FAM222B: variants seen among roughly 807,000 people sequenced by gnomAD.
The protein encoded by FAM222B is family with sequence similarity 222 member B.
FAM222B carries 12 observed loss-of-function variants against 38.0 expected under a neutral mutation model. The observed-to-expected ratio is 0.32, with a 90% CI of 0.20 to 0.51. The LOEUF (loss-of-function observed/expected upper bound fraction) is 0.51, where lower values mean the gene tolerates loss of function less well. FAM222B is among the 20% of genes least tolerant of loss of function. FAM222B has a pLI of 0.97. For missense variants in FAM222B, 716 were observed against 754.2 expected, an observed-to-expected ratio of 0.95 and a Z score of 0.59; for synonymous variants, 329 against 317.2, an observed-to-expected ratio of 1.04 and a Z score of -0.40.
chr17:28,822,890 C>T (rs2152588175), intron 1 of FAM222B, among the ~76,000 whole-genome samples: 1 of 116,794 alleles, frequency 8.6e-6, no homozygotes, highest in East Asian at 2.6e-4. Flanking sequence ...TATACACACA[C>T]ACATATATGA....
intron 1 of FAM222B, among the ~76,000 whole-genome samples, chr17:28,819,961 C>G (rs1280600216): frequency 6.6e-6 from 1 of 152,116 alleles, no homozygotes; most frequent in Non-Finnish European, 1.5e-5. Context: ...GAAACCTAAG[C>G]CTTTCACTTG....
Position 28,758,157 on chromosome 17 carries a change from TC to T in FAM222B, c.*112del. 1.0e-6 allele frequency: 1 copy of T among 959,494 alleles called. No individual in the cohort carries two copies. The highest frequency in any genetic ancestry group is 1.8e-5 in the South Asian group (1 of 56,712). 59.4% of individuals were successfully genotyped at this position (959,494 alleles called of 1,614,324 possible). ...CCCACCAAATTCCCTTTCTTAGACATCTAAGAATGATCACACTGGAGCAGTG... is the reference window on the plus strand; with the variant it reads ...CCCACCAAATTCCCTTTCTTAGACATTAAGAATGATCACACTGGAGCAGTG... On this transcript the variant is annotated 3_prime_UTR_variant, in exon 3 of 3. Transcript: ENST00000581407.
upstream of FAM222B, among the ~76,000 whole-genome samples, chr17:28,843,592 C>T (rs753881307): frequency 4.6e-5 from 7 of 151,594 alleles, no homozygotes; most frequent in Admixed American, 2.6e-4. Flanking sequence ...GGATTACAGG[C>T]TTGCACCACC....
intron 1 of FAM222B, among the ~76,000 whole-genome samples, chr17:28,826,681 CAA>C (rs58793747): frequency 0.27 from 22,529 of 84,544 alleles, 1,722 homozygotes; most frequent in South Asian, 0.38. Flanking sequence ...AACTCCGTCT[CAA>C]AAAAAAAAAA....
At chr17:28,835,759 TCTCTTGTACTCAAGTGATCCTCCCAC>T (rs2038825374) in intron 1 of FAM222B, among the ~76,000 whole-genome samples, 2 of 152,010 alleles carry the variant, frequency 1.3e-5, no homozygotes, top group African/African-American at 4.8e-5. Context: ...ACATCCTTCA[TCTCTTGTACTCAAGTGATCCTCCCAC>T]CTCAGCCTCC....
chr17:28,844,547 A>G (rs1331542805), upstream of FAM222B, among the ~76,000 whole-genome samples: 2 of 152,150 alleles, frequency 1.3e-5, no homozygotes, highest in Admixed American at 1.3e-4. Flanking sequence ...AGTCCCAGCT[A>G]CTCAGGAGGC....
At chr17:28,771,442 G>A (rs1163438226) in intron 1 of FAM222B, among the ~76,000 whole-genome samples, 5 of 152,194 alleles carry the variant, frequency 3.3e-5, no homozygotes, top group African/African-American at 1.2e-4. Context: ...AGCACTTTGG[G>A]AGGCCGAGGC....
intron 2 of FAM222B, among the ~76,000 whole-genome samples, chr17:28,764,294 A>G (rs903159566): frequency 7.0e-6 from 1 of 142,084 alleles, no homozygotes; most frequent in Non-Finnish European, 1.5e-5. Flanking sequence ...AAAAAAAAAA[A>G]GGGCCGGGCA....
rs927373134 is a variant in FAM222B, at chr17:28,786,792, C to T, written c.-40-20085G>A. ...CTTAGAACTAGTTCTCTGTGCACAA[C>T]GCCTTGCCATACATTGCTAGTGAAG... On this transcript the variant is annotated intron_variant, in intron 1 of 2. Transcript: ENST00000581407. Among the ~76,000 whole-genome samples the T allele has an allele frequency of 3.3e-5, 5 of 151,928 alleles. No individual in the cohort carries two copies. In the East Asian group the frequency reaches 5.8e-4, roughly 18 times the overall value.
Position 28,781,845 on chromosome 17 carries a change from G to C in FAM222B, c.-40-15138C>G, listed in dbSNP as rs1386281107. On this transcript the variant is annotated intron_variant, in intron 1 of 2. Coordinates refer to ENST00000581407, the MANE Select transcript of FAM222B (RefSeq NM_001077498.3). ...TCTAAAAAAGTCAAACTCAGAAGCA[G>C]AGAGATAATGGGCTGAAGAGGGGTG... 2.0e-5 allele frequency among the ~76,000 whole-genome samples: 3 copies of C among 152,132 alleles called. No individual in the cohort carries two copies. The East Asian group carries it at 5.8e-4, about 29-fold the overall frequency.
chr17:28,826,029 C>T (rs1047144362), intron 1 of FAM222B, among the ~76,000 whole-genome samples: 1 of 151,614 alleles, frequency 6.6e-6, no homozygotes, highest in African/African-American at 2.4e-5. Context: ...CCACCTCGGC[C>T]TCCCAAAGTG....
chr17:28,831,947 T>C (rs1490091373), intron 1 of FAM222B, among the ~76,000 whole-genome samples: 1 of 152,102 alleles, frequency 6.6e-6, no homozygotes, highest in African/African-American at 2.4e-5. Context: ...CCCAGCACTT[T>C]GGGAGGCCGA....
chr17:28,758,628 T>C lies in FAM222B; in HGVS notation c.1331A>G (p.Tyr444Cys), dbSNP rs1447348045. The C allele has an allele frequency of 1.2e-6, 2 of 1,611,594 alleles. No individual in the cohort carries two copies. Among genetic ancestry groups the C allele is most frequent in the Non-Finnish European group, 1.7e-6 (2 of 1,179,754 alleles). The change falls in exon 3 of 3, where the codon TAC (tyrosine) becomes TGC (cysteine). Residue 444 changes from tyrosine (Y) to cysteine (C), a missense_variant. Physicochemically the swap from Tyr to Cys is radical, Grantham distance 194. Coordinates refer to ENST00000581407, the MANE Select transcript of FAM222B (RefSeq NM_001077498.3). ...PVNGMAAPLA[Y>C]PNGHYFQPLW... ...GGGTTGGAAGTAGTGACCATTGGGGTAGGCCAATGGGGCTGCCATGCCGTT... is the reference window on the plus strand; with the variant it reads ...GGGTTGGAAGTAGTGACCATTGGGGCAGGCCAATGGGGCTGCCATGCCGTT...
chr17:28,845,416 A>T (rs142406129), upstream of FAM222B, among the ~76,000 whole-genome samples: 62 of 151,332 alleles, frequency 4.1e-4, 1 homozygote, highest in East Asian at 0.012. Context: ...AAAAAATACA[A>T]AAATACAAAA....
chr17:28,791,950 T>C (rs2036710095), intron 1 of FAM222B, among the ~76,000 whole-genome samples: 1 of 150,714 alleles, frequency 6.6e-6, no homozygotes, highest in Non-Finnish European at 1.5e-5. Context: ...GTGAACCACC[T>C]GTGCCTGGCC....
intron 1 of FAM222B, among the ~76,000 whole-genome samples, chr17:28,784,878 G>A (rs1025091124): frequency 1.3e-5 from 2 of 151,890 alleles, no homozygotes; most frequent in African/African-American, 4.8e-5. Flanking sequence ...AGCCTTCTGA[G>A]TAGGTGGGAC....
chr17:28,803,519 A>C (rs890420283), intron 1 of FAM222B, among the ~76,000 whole-genome samples: 3 of 151,010 alleles, frequency 2.0e-5, no homozygotes, highest in Admixed American at 6.6e-5. Context: ...CGGGTCTCAA[A>C]CTCCTGGGCT....
At chr17:28,805,471 G>A (rs1375221294) in intron 1 of FAM222B, among the ~76,000 whole-genome samples, 1 of 151,736 alleles carries the variant, frequency 6.6e-6, no homozygotes. Context: ...GGAGGTGGAG[G>A]TTACAGTGAG....
chr17:28,772,634 T>C (rs1044851443), intron 1 of FAM222B, among the ~76,000 whole-genome samples: 11 of 149,050 alleles, frequency 7.4e-5, no homozygotes, highest in Non-Finnish European at 1.6e-4. Flanking sequence ...CGGTGGCTCA[T>C]GTCTATAATC....
Sources: allele counts gnomAD v4.1 joint callset (sites outside exome capture counted in the v4.1 genomes callset), GRCh38; gene constraint gnomAD v4.1.1; transcripts MANE v1.5; gene names NCBI Gene and HGNC (gene_info 2026-07-23, HGNC 2026-07-21).